KLHL30: variants seen among roughly 807,000 people sequenced by gnomAD.
KLHL30 encodes kelch like family member 30, also known as kelch-like protein 30.
In KLHL30, 55 loss-of-function variants were observed where a neutral mutation model predicts 55.0. The ratio of observed to expected loss-of-function variants is 1.00; its 90% CI spans 0.80 to 1.25. The LOEUF (loss-of-function observed/expected upper bound fraction) is 1.25, where lower values mean the gene tolerates loss of function less well. Ranked by LOEUF, KLHL30 falls within the 50% of genes most tolerant of loss-of-function variation. The pLI is 0.00. For synonymous variants in KLHL30, 356 were observed against 372.6 expected, an observed-to-expected ratio of 0.96 and a Z score of 0.51; for missense variants, 786 against 811.6, an observed-to-expected ratio of 0.97 and a Z score of 0.38.
Position 238,151,526 on chromosome 2 carries a change from C to CTA in KLHL30, c.*461_*462insTA. The CTA allele has an allele frequency of 5.5e-6, 1 of 182,734 alleles. No homozygotes were observed. The highest frequency in any genetic ancestry group is 1.1e-5 in the Non-Finnish European group (1 of 86,988). The allele number at this position is 182,734 out of a possible 1,614,324, so 11.3% of individuals were successfully genotyped here. ...CCCGGAGATGGGATCAGCACCAGGT[C>CTA]CTCGTGGGCCTGCTTCTGCCCAGCT... On this transcript the variant is annotated 3_prime_UTR_variant, in exon 8 of 8. Transcript: ENST00000409223.
Position 238,152,610 on chromosome 2 carries a change from C to A in KLHL30, c.*1545C>A, listed in dbSNP as rs1022573527. The A allele has an allele frequency of 6.6e-6, 1 of 152,106 alleles. No individual in the cohort carries two copies. Among genetic ancestry groups the A allele is most frequent in the African/African-American group, 2.4e-5 (1 of 41,416 alleles). The allele number at this position is 152,106 out of a possible 1,614,324, so 9.4% of individuals were successfully genotyped here. A position where few individuals can be genotyped will look rare whatever the true frequency, so the allele number is the denominator to read the frequency against. ...TCTTGAACTCCTGACCTCAGGTGAT[C>A]CGCCCGCCTCAGCCTCCCAAAGTGC... On this transcript the variant is annotated 3_prime_UTR_variant, in exon 8 of 8. Transcript: ENST00000409223.
Position 238,151,247 on chromosome 2 carries a change from A to G in KLHL30, c.*182A>G. 1.2e-6 allele frequency: 1 copy of G among 804,346 alleles called. No homozygotes were observed. Among genetic ancestry groups the G allele is most frequent in the Non-Finnish European group, 1.9e-6 (1 of 522,352 alleles). 49.8% of individuals were successfully genotyped at this position (804,346 alleles called of 1,614,324 possible). A position where few individuals can be genotyped will look rare whatever the true frequency, so the allele number is the denominator to read the frequency against. ...GGACACAGCCTTGGTCTCTGTGGCC[A>G]CCACACTAAACTCTGAGCTGAGCAG... On this transcript the variant is annotated 3_prime_UTR_variant, in exon 8 of 8. Coordinates refer to ENST00000409223, the MANE Select transcript of KLHL30 (RefSeq NM_198582.4).
At chr2:238,142,762 A>G (rs767202534) in intron 2 of KLHL30, 37 bp from the exon 3 acceptor site, 15 of 1,359,704 alleles carry the variant, frequency 1.1e-5, no homozygotes, top group Middle Eastern at 2.7e-4. Context: ...ATGGGGACAC[A>G]TTGCTGTTGC....
At position 238,142,840 on chromosome 2, in the gene KLHL30, G is replaced by A; in HGVS notation, c.816G>A (p.Val272=). Residue 272 remains valine, a synonymous_variant, in exon 3 of 8, where the codon GTG becomes GTA. Coordinates refer to ENST00000409223, the MANE Select transcript of KLHL30 (RefSeq NM_198582.4). The part of the protein sequence containing the change: ...ALQQKLEEVL[V]VVGGQALEEE... ...AGCAGAAGCTGGAGGAGGTCCTGGTGGTGGTGGGCGGGCAGGCGCTGGAGG... is the reference window on the plus strand; with the variant it reads ...AGCAGAAGCTGGAGGAGGTCCTGGTAGTGGTGGGCGGGCAGGCGCTGGAGG... 1.4e-6 allele frequency: 2 copies of A among 1,453,874 alleles called. No homozygotes were observed. The highest frequency in any genetic ancestry group is 1.8e-6 in the Non-Finnish European group (2 of 1,109,082). The allele number at this position is 1,453,874 out of a possible 1,614,324, so 90.1% of individuals were successfully genotyped here. A position where few individuals can be genotyped will look rare whatever the true frequency, so the allele number is the denominator to read the frequency against.
Position 238,144,957 on chromosome 2 carries a change from G to C in KLHL30, c.963G>C (p.Leu321=), listed in dbSNP as rs1286327230. ...ACTATCACAAGTGGGGTTTCTCCCT[G>C]GCGGCCCTGAACAACAACATCTATG... ...FPDYHKWGFS[L]AALNNNIYVT... Residue 321 remains leucine, a synonymous_variant, in exon 4 of 8, where the codon CTG becomes CTC. Coordinates refer to ENST00000409223, the MANE Select transcript of KLHL30 (RefSeq NM_198582.4). 1 of 1,610,274 alleles carries C rather than the reference G, an allele frequency of 6.2e-7. No homozygotes were observed. Among genetic ancestry groups the C allele is most frequent in the South Asian group, 1.1e-5 (1 of 89,932 alleles).
intron 4 of KLHL30, 132 bp from the exon 5 acceptor site, chr2:238,145,545 T>A (rs1692631584): frequency 9.8e-7 from 1 of 1,025,460 alleles, no homozygotes; most frequent in Non-Finnish European, 1.5e-6. Context: ...GCTACCCTGG[T>A]CCCACCTCTG....
At chr2:238,139,624 C>T (rs1692495369) in intron 1 of KLHL30, among the ~76,000 whole-genome samples, 1 of 152,214 alleles carries the variant, frequency 6.6e-6, no homozygotes, top group Non-Finnish European at 1.5e-5. Context: ...ACCGTGGCTG[C>T]CCGGGCCAGA....
At position 238,149,077 on chromosome 2, in the gene KLHL30, CG is replaced by C; in HGVS notation, c.1414del (p.Glu472SerfsTer46). ...CCTCGCCTCGCTGTGCTGCACTGCACGGGGAGCTCTACCTCATTGGGGACAA... is the reference window on the plus strand; with the variant it reads ...CCTCGCCTCGCTGTGCTGCACTGCACGGGAGCTCTACCTCATTGGGGACAA... ...LSSPRCAALH[G>X]ELYLIGDNTK... On this transcript the variant is annotated frameshift_variant, in exon 7 of 8. Coordinates refer to ENST00000409223, the MANE Select transcript of KLHL30 (RefSeq NM_198582.4). LOFTEE classifies it high-confidence loss of function. 1 of 1,613,314 alleles carries C rather than the reference CG, an allele frequency of 6.2e-7. No individual in the cohort carries two copies. The highest frequency in any genetic ancestry group is 8.5e-7 in the Non-Finnish European group (1 of 1,179,852).
chr2:238,143,945 CAG>C (rs890371423), intron 3 of KLHL30, among the ~76,000 whole-genome samples: 1 of 152,216 alleles, frequency 6.6e-6, no homozygotes. Flanking sequence ...AAATAGTAAA[CAG>C]AGTCTTCCTA....
chr2:238,152,103 A>G lies in KLHL30; in HGVS notation c.*1038A>G, dbSNP rs890826011. Reference sequence around the variant, plus strand: ...CCTGTCACAGGCTCCGCCCTGGGACATGGGGCTAGAAGTCAGGAGTCGGGC... The same window carrying G: ...CCTGTCACAGGCTCCGCCCTGGGACGTGGGGCTAGAAGTCAGGAGTCGGGC... On this transcript the variant is annotated 3_prime_UTR_variant, in exon 8 of 8. Coordinates refer to ENST00000409223, the MANE Select transcript of KLHL30 (RefSeq NM_198582.4). 2.0e-5 allele frequency: 20 copies of G among 985,360 alleles called. No homozygotes were observed. The highest frequency in any genetic ancestry group is 2.3e-5 in the Non-Finnish European group (19 of 829,970). 61.0% of individuals were successfully genotyped at this position (985,360 alleles called of 1,614,324 possible).
chr2:238,142,850 G>T lies in KLHL30; in HGVS notation c.826G>T (p.Gly276Trp). ...GGAGGAGGTCCTGGTGGTGGTGGGC[G>T]GGCAGGCGCTGGAGGAGGAGGAGGC... The part of the protein sequence containing the change: ...KLEEVLVVVG[G>W]QALEEEEAGE... Residue 276 changes from glycine (G) to tryptophan (W), a missense_variant, in exon 3 of 8, where the codon GGG becomes TGG. Transcript: ENST00000409223. 6.8e-7 allele frequency: 1 copy of T among 1,462,418 alleles called. No homozygotes were observed. Among genetic ancestry groups the T allele is most frequent in the Non-Finnish European group, 9.0e-7 (1 of 1,114,262 alleles). The allele number at this position is 1,462,418 out of a possible 1,614,324, so 90.6% of individuals were successfully genotyped here. A position where few individuals can be genotyped will look rare whatever the true frequency, so the allele number is the denominator to read the frequency against.
chr2:238,142,860 T>TGGA lies in KLHL30; in HGVS notation c.848_850dup (p.Glu283dup), dbSNP rs748188558. ...CTGGTGGTGGTGGGCGGGCAGGCGC[T>TGGA]GGAGGAGGAGGAGGCAGGTGAGGAG... is the stretch of plus-strand genomic sequence containing the variant. On this transcript the variant is annotated inframe_insertion, in exon 3 of 8. Coordinates refer to ENST00000409223, the MANE Select transcript of KLHL30 (RefSeq NM_198582.4). 1.0e-5 allele frequency: 15 copies of TGGA among 1,470,920 alleles called. No individual in the cohort carries two copies. Among genetic ancestry groups the TGGA allele is most frequent in the African/African-American group, 8.9e-5 (6 of 67,452 alleles). The allele number at this position is 1,470,920 out of a possible 1,614,324, so 91.1% of individuals were successfully genotyped here. A position where few individuals can be genotyped will look rare whatever the true frequency, so the allele number is the denominator to read the frequency against.
Position 238,145,731 on chromosome 2 carries a change from T to TC in KLHL30, c.1054dup (p.Leu352ProfsTer45). On this transcript the variant is annotated frameshift_variant, in exon 5 of 8. Transcript: ENST00000409223. LOFTEE classifies it high-confidence loss of function. ...TGGTCAACCACCCAGGCCTGGTGCT[T>TC]CCCCCTGAAGGAGGCCTCCTGGAAG... is the stretch of plus-strand genomic sequence containing the variant. 9 of 1,595,258 alleles carry TC rather than the reference T, an allele frequency of 5.6e-6. No homozygotes were observed. The highest frequency in any genetic ancestry group is 6.0e-6 in the Non-Finnish European group (7 of 1,172,368).
At chr2:238,144,840 G>C (rs1205658409) in intron 3 of KLHL30, 62 bp from the exon 4 acceptor site, 11 of 1,272,546 alleles carry the variant, frequency 8.6e-6, no homozygotes, top group Non-Finnish European at 1.2e-5. Context: ...GGAAGGGGGA[G>C]TGGGGACCAC....
chr2:238,147,157 A>G lies in KLHL30; in HGVS notation c.1151-677A>G, dbSNP rs1559277000. 6.6e-6 allele frequency among the ~76,000 whole-genome samples: 1 copy of G among 151,574 alleles called. No individual in the cohort carries two copies. Among genetic ancestry groups the G allele is most frequent in the African/African-American group, 2.4e-5 (1 of 41,262 alleles). On this transcript the variant is annotated intron_variant, in intron 5 of 7. Transcript: ENST00000409223. This position sits in a 1 kb window ranked among gnomAD's most constrained non-coding sequence, Gnocchi z 5.8. The stretch of plus-strand genomic sequence containing the variant: ...GCAAGACCCTGTCTCAAAAAAAAAA[A>G]AAAGAAAGAAAAGAAAAACAAAACA...
At chr2:238,142,500 C>T (rs1323166301) in intron 2 of KLHL30, among the ~76,000 whole-genome samples, 5 of 152,154 alleles carry the variant, frequency 3.3e-5, no homozygotes, top group South Asian at 2.1e-4. Flanking sequence ...CCCACTGAGC[C>T]GGGACACCCT....
Position 238,147,821 on chromosome 2 carries a change from C to T in KLHL30, c.1151-13C>T. The T allele has an allele frequency of 6.8e-7, 1 of 1,468,962 alleles. No homozygotes were observed. The highest frequency in any genetic ancestry group is 9.1e-7 in the Non-Finnish European group (1 of 1,102,454). 91.0% of individuals were successfully genotyped at this position (1,468,962 alleles called of 1,614,324 possible). On this transcript the variant is annotated splice_polypyrimidine_tract_variant and intron_variant, in intron 5 of 7. Transcript: ENST00000409223. The surrounding 1 kb of genome is among the most constrained non-coding windows in gnomAD (Gnocchi z 5.8). The stretch of plus-strand genomic sequence containing the variant: ...CTCCCCAGCCCTGAACTGCCCCCGC[C>T]CTCACCCCACAGGCACCACCCTGGA...
intron 6 of KLHL30, among the ~76,000 whole-genome samples, chr2:238,148,772 C>T (rs1052693526): frequency 3.9e-5 from 6 of 152,226 alleles, no homozygotes; most frequent in Non-Finnish European, 8.8e-5. Flanking sequence ...ACAGGCCCCT[C>T]ACCTATGCTG....
chr2:238,144,199 A>G (rs1016128037), intron 3 of KLHL30, among the ~76,000 whole-genome samples: 18 of 152,108 alleles, frequency 1.2e-4, no homozygotes, highest in Admixed American at 8.5e-4. Context: ...AAGTCCCCAT[A>G]GCTCCCGGGA....
Sources: gnomAD v4.1 joint callset for allele counts (sites outside exome capture counted in the v4.1 genomes callset) on GRCh38, gnomAD v4.1.1 for gene constraint, Gnocchi (gnomAD v3.1) non-coding constraint, MANE v1.5 for transcripts, NCBI Gene and HGNC (gene_info 2026-07-23, HGNC 2026-07-21) for gene names.